RIMS2: variants seen among roughly 807,000 people sequenced by gnomAD.
RIMS2 encodes the protein regulating synaptic membrane exocytosis 2, also known as regulating synaptic membrane exocytosis protein 2.
A neutral mutation model predicts 174.4 loss-of-function variants in RIMS2; 59 were observed. The observed-to-expected ratio is 0.34, with a 90% CI of 0.27 to 0.42. The LOEUF (loss-of-function observed/expected upper bound fraction) is 0.42. Among genes scored for constraint, RIMS2 ranks in the 10% least tolerant of loss-of-function variants. The pLI is 1.00. For synonymous variants in RIMS2, 606 were observed against 572.5 expected (o/e 1.06, Z -0.84); for missense variants, 1,620 against 1,666.3 (o/e 0.97, Z 0.48).
intron 1 of RIMS2, among the ~76,000 whole-genome samples, chr8:103,541,085 T>C (rs908827856): frequency 6.6e-6 from 1 of 152,216 alleles, no homozygotes; most frequent in Non-Finnish European, 1.5e-5. Flanking sequence ...GAAAGTTTAC[T>C]TAAAGAAATA....
At chr8:103,910,692 A>AAAAAACCAAAAAAAACC (rs1266549980) in intron 5 of RIMS2, among the ~76,000 whole-genome samples, 163 bp downstream of exon 8, 3 of 152,158 alleles carry the variant, frequency 2.0e-5, no homozygotes, top group African/African-American at 7.2e-5. Context: ...CTAAACAAAC[A>AAAAAACCAAAAAAAACC]ACAAACCAAA....
intron 19 of RIMS2, among the ~76,000 whole-genome samples, chr8:104,088,053 T>C (rs1270987690): frequency 6.6e-6 from 1 of 152,124 alleles, no homozygotes. Context: ...ATACCCTCTT[T>C]AGAAGTCATA....
At chr8:103,519,461 A>T (rs1830586254) in intron 1 of RIMS2, among the ~76,000 whole-genome samples, 1 of 152,052 alleles carries the variant, frequency 6.6e-6, no homozygotes, top group Non-Finnish European at 1.5e-5. Flanking sequence ...CAATGTTTTC[A>T]AACACTCTTC....
In RIMS2 at chr8:103,738,979, C is replaced by T. The variant is rs1033252957; in HGVS notation, c.388-27248C>T. Among the ~76,000 whole-genome samples the T allele has an allele frequency of 2.1e-4, 32 of 152,252 alleles. 1 individual carries two copies. The highest frequency in any genetic ancestry group is 2.1e-3 in the Admixed American group (32 of 15,280). ...TGTGGAAGACAGTGTGGCGATTCCTCAAGGATCTAGAACTAGAAATACCAT... is the reference window on the plus strand; with the variant it reads ...TGTGGAAGACAGTGTGGCGATTCCTTAAGGATCTAGAACTAGAAATACCAT... On this transcript the variant is annotated intron_variant, in intron 2 of 23. Coordinates refer to ENST00000504942, the Ensembl canonical transcript of RIMS2.
At position 104,072,938 on chromosome 8, in the gene RIMS2, G is replaced by A. The variant is rs555768006; in HGVS notation, c.3334+58323G>A. On this transcript the variant is annotated intron_variant, in intron 19 of 23. Coordinates refer to ENST00000504942, the Ensembl canonical transcript of RIMS2. ...AGTTAATCAGTGGATGATTTCTCAG[G>A]GAGTTTCCCTCAAAATAGAATTTAT... Among the ~76,000 whole-genome samples, 6 of 152,144 alleles carry A rather than the reference G, an allele frequency of 3.9e-5. No homozygotes were observed. The South Asian group carries it at 1.2e-3, about 32-fold the overall frequency.
chr8:103,688,400 A>G (rs1426254610), intron 1 of RIMS2, among the ~76,000 whole-genome samples: 1 of 152,124 alleles, frequency 6.6e-6, no homozygotes, highest in Non-Finnish European at 1.5e-5. Flanking sequence ...TCACATTGAT[A>G]GAATTGTATA....
chr8:104,233,636 G>C (rs980622128), intron 19 of RIMS2, among the ~76,000 whole-genome samples: 16 of 152,190 alleles, frequency 1.1e-4, no homozygotes, highest in Admixed American at 4.6e-4. Flanking sequence ...CTTCATTGCT[G>C]TCATAGCCTG....
intron 1 of RIMS2, among the ~76,000 whole-genome samples, chr8:103,686,345 G>A (rs1190487299): frequency 1.3e-5 from 2 of 151,940 alleles, no homozygotes; most frequent in Non-Finnish European, 2.9e-5. Context: ...CCTTAATGTG[G>A]TGGCTAGCAT....
chr8:104,246,239 A>G (rs193218508), intron 20 of RIMS2, among the ~76,000 whole-genome samples: 1 of 152,336 alleles, frequency 6.6e-6, no homozygotes, highest in African/African-American at 2.4e-5. Flanking sequence ...GATGTAAGTC[A>G]TAGGAGGGAG....
At chr8:103,855,648 T>C (rs1473943059) in intron 3 of RIMS2, among the ~76,000 whole-genome samples, 1 of 152,158 alleles carries the variant, frequency 6.6e-6, no homozygotes, top group Non-Finnish European at 1.5e-5. Context: ...TTGTTTAATT[T>C]CCATAAATTT....
intron 19 of RIMS2, among the ~76,000 whole-genome samples, chr8:104,160,874 A>G (rs1050753300): frequency 2.0e-5 from 3 of 152,174 alleles, no homozygotes; most frequent in African/African-American, 4.8e-5. Flanking sequence ...TAAACATAAA[A>G]CAAGGTGGAA....
exon 16 of RIMS2, chr8:103,975,427 T>G: frequency 6.2e-7 from 1 of 1,612,516 alleles, no homozygotes; most frequent in Non-Finnish European, 8.5e-7. Flanking sequence ...AAACCACTGT[T>G]CACCATCAGG....
intron 3 of RIMS2, chr8:103,768,419 G>T: frequency 2.6e-6 from 2 of 754,778 alleles, no homozygotes; most frequent in Non-Finnish European, 4.9e-6. Context: ...AGAATGGAAG[G>T]GTTATGTGGT....
exon 14 of RIMS2, chr8:103,942,803 G>A (rs772057111): frequency 1.2e-6 from 2 of 1,612,560 alleles, no homozygotes; most frequent in Non-Finnish European, 1.7e-6. Flanking sequence ...AGCATTATTA[G>A]ATGATGAGCC....
In RIMS2 at chr8:103,797,210, A is replaced by G. The variant is rs571932304; in HGVS notation, c.698+30673A>G. 3.7e-4 allele frequency among the ~76,000 whole-genome samples: 57 copies of G among 152,218 alleles called. 2 individuals are homozygous for G. The South Asian group carries it at 0.011, about 28-fold the overall frequency. On this transcript the variant is annotated intron_variant, in intron 3 of 23. Coordinates refer to ENST00000504942, the Ensembl canonical transcript of RIMS2. ...TTCAAAGCCTAACTCAAGTATTCCT[A>G]GTTACTTGAGCCCTTCCTGTATGTT...
intron 1 of RIMS2, among the ~76,000 whole-genome samples, chr8:103,597,140 T>C (rs934767555): frequency 1.3e-5 from 2 of 152,180 alleles, no homozygotes; most frequent in Admixed American, 1.3e-4. Context: ...TTGAGCATTC[T>C]AATAAAAGAA....
chr8:103,546,744 G>A (rs1285515510), intron 1 of RIMS2, among the ~76,000 whole-genome samples: 1 of 152,138 alleles, frequency 6.6e-6, no homozygotes, highest in Admixed American at 6.5e-5. Flanking sequence ...AAACCATTCA[G>A]CCATGGGATG....
intron 1 of RIMS2, among the ~76,000 whole-genome samples, chr8:103,647,519 T>A (rs1028169497): frequency 2.0e-5 from 3 of 152,186 alleles, no homozygotes; most frequent in Admixed American, 2.0e-4. Context: ...TATTTGTACC[T>A]CTGGTAGAAT....
In RIMS2 at chr8:103,565,828, G is replaced by A. The variant is rs1382482467; in HGVS notation, c.176+64766G>A. ...CTGTCCCGGTTCTTGACACCTTTGC[G>A]AGAGAGTTCAAGGACGAGTCAAAGC... On this transcript the variant is annotated intron_variant, in intron 1 of 23. Transcript: ENST00000504942. 2.0e-5 allele frequency among the ~76,000 whole-genome samples: 3 copies of A among 152,150 alleles called. No individual in the cohort carries two copies. In the East Asian group the frequency reaches 5.8e-4, roughly 29 times the overall value.
Sources: gnomAD v4.1 joint callset for allele counts (sites outside exome capture counted in the v4.1 genomes callset) on GRCh38, gnomAD v4.1.1 for gene constraint, MANE v1.5 for transcripts, NCBI Gene and HGNC (gene_info 2026-07-23, HGNC 2026-07-21) for gene names.